GRM5: variants seen among roughly 807,000 people sequenced by gnomAD.
GRM5 encodes glutamate metabotropic receptor 5, also known as metabotropic glutamate receptor 5.
A neutral mutation model predicts 83.1 loss-of-function variants in GRM5; 19 were observed. That is an observed-to-expected ratio of 0.23 (90% CI 0.16 to 0.34). The LOEUF (loss-of-function observed/expected upper bound fraction) is 0.34, where lower values mean the gene tolerates loss of function less well. GRM5 is among the 10% of genes least tolerant of loss of function. GRM5 has a pLI of 1.00. For missense variants in GRM5, 1,160 were observed against 1,588.3 expected (o/e 0.73, Z 4.58); for synonymous variants, 675 against 633.6 (o/e 1.07, Z -0.98).
chr11:88,512,698 G>A (rs899777251), intron 9 of GRM5, among the ~76,000 whole-genome samples: 6 of 152,196 alleles, frequency 3.9e-5, no homozygotes, highest in Non-Finnish European at 7.3e-5. Flanking sequence ...GTAAGAAGCA[G>A]ACAGTGTCTC....
intron 3 of GRM5, among the ~76,000 whole-genome samples, chr11:88,772,437 A>G (rs1942758359): frequency 6.7e-6 from 1 of 149,462 alleles, no homozygotes; most frequent in East Asian, 2.0e-4. Flanking sequence ...CTGGCCCTTT[A>G]TTTATTTTTA....
chr11:88,792,848 C>T (rs551023376), intron 3 of GRM5, among the ~76,000 whole-genome samples: 4 of 152,044 alleles, frequency 2.6e-5, no homozygotes, highest in Admixed American at 6.6e-5. Flanking sequence ...AGAATATGTG[C>T]AAGTATTATT....
intron 3 of GRM5, among the ~76,000 whole-genome samples, chr11:88,761,818 A>G (rs916909098): frequency 1.3e-5 from 2 of 150,198 alleles, no homozygotes; most frequent in Non-Finnish European, 3.0e-5. Flanking sequence ...ACAGGACTAC[A>G]GTAACCAAAA....
intron 3 of GRM5, among the ~76,000 whole-genome samples, chr11:88,810,474 T>C (rs10501690): frequency 0.025 from 3,873 of 152,122 alleles, 174 homozygotes; most frequent in African/African-American, 0.089. Flanking sequence ...AATGCTCATA[T>C]ATAAGATTAG....
At chr11:88,798,805 CAAAAA>C (rs4002396) in intron 3 of GRM5, among the ~76,000 whole-genome samples, 5 of 55,400 alleles carry the variant, frequency 9.0e-5, no homozygotes, top group African/African-American at 3.3e-4. Context: ...ATGAAAACAC[CAAAAA>C]AAAAAAAAAA....
At chr11:89,011,833 T>G (rs1181058761) in intron 2 of GRM5, among the ~76,000 whole-genome samples, 1 of 152,186 alleles carries the variant, frequency 6.6e-6, no homozygotes, top group East Asian at 1.9e-4. Context: ...TCTTAATCTA[T>G]CTACATTATA....
At chr11:88,820,683 A>C (rs1041293632) in intron 3 of GRM5, among the ~76,000 whole-genome samples, 3 of 152,230 alleles carry the variant, frequency 2.0e-5, no homozygotes, top group African/African-American at 7.2e-5. Context: ...TAAAGGAAAT[A>C]ATGTATACAA....
At chr11:89,043,858 C>G (rs77370008) in intron 2 of GRM5, among the ~76,000 whole-genome samples, 20,540 of 152,098 alleles carry the variant, frequency 0.14, 1,898 homozygotes, top group African/African-American at 0.27. Flanking sequence ...TTTGGAAAAC[C>G]TGGGTGCTCT....
intron 2 of GRM5, among the ~76,000 whole-genome samples, chr11:89,015,451 G>C (rs778360696): frequency 6.6e-6 from 1 of 152,142 alleles, no homozygotes; most frequent in East Asian, 1.9e-4. Flanking sequence ...AAATCAATGG[G>C]TGTCTGTTGG....
intron 2 of GRM5, among the ~76,000 whole-genome samples, chr11:89,045,396 A>G (rs1213891764): frequency 1.3e-5 from 2 of 152,176 alleles, no homozygotes; most frequent in Admixed American, 1.3e-4. Context: ...GAACAATTCT[A>G]TGAAGATCCA....
chr11:88,669,247 G>T (rs530699235), intron 3 of GRM5, among the ~76,000 whole-genome samples: 1 of 152,142 alleles, frequency 6.6e-6, no homozygotes, highest in East Asian at 1.9e-4. Context: ...ACAACATAAT[G>T]CCGTCAATAA....
At chr11:88,627,250 T>C (rs1436850057) in intron 4 of GRM5, among the ~76,000 whole-genome samples, 1 of 152,244 alleles carries the variant, frequency 6.6e-6, no homozygotes, top group Non-Finnish European at 1.5e-5. Context: ...ACCACTTTAC[T>C]GTGATGTCTT....
chr11:88,967,981 G>T (rs772208796), intron 2 of GRM5, among the ~76,000 whole-genome samples: 3 of 152,120 alleles, frequency 2.0e-5, no homozygotes, highest in Non-Finnish European at 4.4e-5. Context: ...GGTGAGTCAT[G>T]TTTAGGCCTT....
intron 9 of GRM5, 91 bp from the exon 10 acceptor site, chr11:88,509,595 G>C: frequency 2.6e-6 from 2 of 769,642 alleles, no homozygotes; most frequent in South Asian, 3.3e-5. Context: ...CATGGGCCCC[G>C]GACTGGGGAG....
intron 7 of GRM5, among the ~76,000 whole-genome samples, chr11:88,586,218 T>C (rs923661016): frequency 6.6e-6 from 1 of 152,110 alleles, no homozygotes; most frequent in African/African-American, 2.4e-5. Flanking sequence ...TTTAGGATAT[T>C]TCTATGAAAA....
chr11:88,968,591 G>A (rs987919831), intron 2 of GRM5, among the ~76,000 whole-genome samples: 50 of 152,136 alleles, frequency 3.3e-4, no homozygotes, highest in Admixed American at 2.9e-3. Flanking sequence ...TAGGAAGATC[G>A]CTTGAGGCCA....
chr11:88,729,655 A>G (rs1204488985), intron 3 of GRM5, among the ~76,000 whole-genome samples: 2 of 152,226 alleles, frequency 1.3e-5, no homozygotes, highest in African/African-American at 2.4e-5. Context: ...ACCAAAACGC[A>G]TGGTACTGGT....
chr11:88,764,590 C>G (rs1394983584), intron 3 of GRM5, among the ~76,000 whole-genome samples: 1 of 104,584 alleles, frequency 9.6e-6, no homozygotes, highest in Non-Finnish European at 2.9e-5. Flanking sequence ...AATAAATAAC[C>G]ATTCTTAGAC....
At chr11:89,014,924 T>C (rs2135097607) in intron 2 of GRM5, among the ~76,000 whole-genome samples, 1 of 152,354 alleles carries the variant, frequency 6.6e-6, no homozygotes, top group South Asian at 2.1e-4. Context: ...TAGTGCCCAC[T>C]GTACGTGTTC....
Sources: gnomAD v4.1 joint callset for allele counts (sites outside exome capture counted in the v4.1 genomes callset) on GRCh38, gnomAD v4.1.1 for gene constraint, MANE v1.5 for transcripts, NCBI Gene and HGNC (gene_info 2026-07-23, HGNC 2026-07-21) for gene names.